APBA2: variants seen among roughly 807,000 people sequenced by gnomAD.
APBA2 encodes the protein amyloid beta precursor protein binding family A member 2.
APBA2 carries 30 observed loss-of-function variants against 75.0 expected under a neutral mutation model. That is an observed-to-expected ratio of 0.40 (90% confidence interval 0.30 to 0.54). The LOEUF (loss-of-function observed/expected upper bound fraction) is 0.54, where lower values mean the gene tolerates loss of function less well. Among genes scored for constraint, APBA2 ranks in the 20% least tolerant of loss-of-function variants. The probability of loss-of-function intolerance (pLI) is 0.49; values close to 1 mark genes in which losing one functional copy is unlikely to be tolerated. For missense variants in APBA2, 801 were observed against 1,016.1 expected, an observed-to-expected ratio of 0.79 and a Z score of 2.88; for synonymous variants, 444 against 409.6, an observed-to-expected ratio of 1.08 and a Z score of -1.01.
intron 3 of APBA2, among the ~76,000 whole-genome samples, chr15:29,016,840 T>G (rs1033744780): frequency 6.6e-6 from 1 of 152,196 alleles, no homozygotes; most frequent in Non-Finnish European, 1.5e-5. Flanking sequence ...TGTCTCCGTT[T>G]CTCTCTCCCT....
At chr15:29,075,959 C>T (rs1385585055) in intron 5 of APBA2, 96 bp from the exon 6 acceptor site, 1 of 1,143,246 alleles carries the variant, frequency 8.7e-7, no homozygotes, top group Admixed American at 1.7e-5. Flanking sequence ...TTGCTTTTCT[C>T]ATTATGGCTC....
chr15:28,976,184 G>A (rs2037326766), intron 2 of APBA2, among the ~76,000 whole-genome samples: 1 of 152,198 alleles, frequency 6.6e-6, no homozygotes, highest in African/African-American at 2.4e-5. Context: ...CCTTTGTTGA[G>A]TTTGTGTTTT....
intron 3 of APBA2, among the ~76,000 whole-genome samples, chr15:29,028,019 T>A (rs1434343864): frequency 6.6e-6 from 1 of 151,968 alleles, no homozygotes; most frequent in African/African-American, 2.4e-5. Flanking sequence ...AGTTTTGGGG[T>A]ACATGTGCAG....
chr15:29,033,251 T>C (rs2040573692), intron 3 of APBA2, among the ~76,000 whole-genome samples: 1 of 152,200 alleles, frequency 6.6e-6, no homozygotes, highest in Non-Finnish European at 1.5e-5. Context: ...CTCTCCTCTT[T>C]GATGTCCTTT....
At chr15:28,998,491 T>G (rs979346648) in intron 3 of APBA2, among the ~76,000 whole-genome samples, 5 of 152,138 alleles carry the variant, frequency 3.3e-5, no homozygotes, top group African/African-American at 1.2e-4. Context: ...CAAAGTGTTC[T>G]TTAAAACCTA....
At chr15:28,958,243 G>T (rs1274263594) in intron 2 of APBA2, among the ~76,000 whole-genome samples, 1 of 152,228 alleles carries the variant, frequency 6.6e-6, no homozygotes, top group Non-Finnish European at 1.5e-5. Context: ...AGAAGCACAT[G>T]CCTAGGAGGA....
chr15:28,965,512 C>G (rs1236350187), intron 2 of APBA2, among the ~76,000 whole-genome samples: 1 of 152,160 alleles, frequency 6.6e-6, no homozygotes, highest in Admixed American at 6.5e-5. Flanking sequence ...CTACAAAATA[C>G]CTTACAAAGT....
At chr15:28,962,100 GGGCGT>G (rs1479961729) in intron 2 of APBA2, among the ~76,000 whole-genome samples, 3 of 151,970 alleles carry the variant, frequency 2.0e-5, no homozygotes, top group African/African-American at 7.3e-5. Context: ...TGAACTCCTG[GGGCGT>G]GAACGTGTGT....
intron 2 of APBA2, among the ~76,000 whole-genome samples, chr15:28,936,108 G>A (rs1247525007): frequency 1.3e-5 from 2 of 152,194 alleles, no homozygotes; most frequent in Non-Finnish European, 2.9e-5. Context: ...TAGACGCAGA[G>A]TTTGGCTTGC....
chr15:29,073,108 G>A (rs190012627), intron 4 of APBA2, among the ~76,000 whole-genome samples: 4 of 152,270 alleles, frequency 2.6e-5, no homozygotes, highest in Non-Finnish European at 5.9e-5. Context: ...CTGGGAGGGT[G>A]GGCCCAGATC....
chr15:29,059,562 GTTTTATGT>G (rs1451822121), intron 4 of APBA2, among the ~76,000 whole-genome samples: 11 of 152,068 alleles, frequency 7.2e-5, no homozygotes, highest in Non-Finnish European at 1.5e-4. Flanking sequence ...CTCAGCTAGT[GTTTTATGT>G]TAAAGAAATA....
chr15:28,936,895 C>T (rs927257166), intron 2 of APBA2, among the ~76,000 whole-genome samples: 1 of 152,192 alleles, frequency 6.6e-6, no homozygotes, highest in Non-Finnish European at 1.5e-5. Context: ...GATCTACCCT[C>T]ATGCAGATGG....
In APBA2 at chr15:29,072,918, T is replaced by C. The variant is rs78878498; in HGVS notation, c.952-2003T>C. Among the ~76,000 whole-genome samples the C allele has an allele frequency of 7.1e-3, 1,087 of 152,194 alleles. 12 individuals carry two copies. Among genetic ancestry groups the C allele is most frequent in the African/African-American group, 0.025 (1,023 of 41,518 alleles). ...GAAGGGCAGCCCCATGTAGCTTTCT[T>C]GAGATGTAGCAGCAGTGCTCTCCCT... On this transcript the variant is annotated intron_variant, in intron 4 of 14. Coordinates refer to ENST00000683413, the MANE Select transcript of APBA2 (RefSeq NM_001353788.2).
At chr15:28,975,204 T>C (rs182054637) in intron 2 of APBA2, among the ~76,000 whole-genome samples, 2 of 151,424 alleles carry the variant, frequency 1.3e-5, no homozygotes, top group African/African-American at 2.4e-5. Context: ...ACAGAAAGTT[T>C]TAAAAAAAAA....
At position 29,075,231 on chromosome 15, in the gene APBA2, C is replaced by T. The variant is rs115761588; in HGVS notation, c.1032+230C>T. On this transcript the variant is annotated intron_variant, in intron 5 of 14. Coordinates refer to ENST00000683413, the MANE Select transcript of APBA2 (RefSeq NM_001353788.2). ...GGCCTCCCTGATGTTAGGACCATGC[C>T]ATGGAGTGCTCTTGTGTTGCAGATG... 4.2e-3 allele frequency among the ~76,000 whole-genome samples: 633 copies of T among 152,176 alleles called. 6 individuals are homozygous for T. Among genetic ancestry groups the T allele is most frequent in the African/African-American group, 0.015 (617 of 41,492 alleles).
chr15:29,101,948 G>C, intron 10 of APBA2, 164 bp downstream of exon 10: 1 of 728,796 alleles, frequency 1.4e-6, no homozygotes, highest in East Asian at 2.7e-5. Context: ...GGTTTGCAAA[G>C]ATAGTGAATA....
intron 12 of APBA2, among the ~76,000 whole-genome samples, chr15:29,107,990 G>A (rs571533459): frequency 1.4e-4 from 21 of 152,274 alleles, no homozygotes; most frequent in Admixed American, 2.6e-4. Flanking sequence ...ACCTGGGCTC[G>A]CTCCTGCAGT....
At chr15:29,059,223 G>T (rs1030827753) in intron 4 of APBA2, among the ~76,000 whole-genome samples, 2 of 152,106 alleles carry the variant, frequency 1.3e-5, no homozygotes, top group African/African-American at 4.8e-5. Flanking sequence ...ATATGTGTGT[G>T]TGTGTGTGTG....
At position 29,061,877 on chromosome 15, in the gene APBA2, G is replaced by A. The variant is rs117320038; in HGVS notation, c.951+7042G>A. On this transcript the variant is annotated intron_variant, in intron 4 of 14. Transcript: ENST00000683413. Reference sequence around the variant, plus strand: ...TATCTGCTTTACAGAAGAGGACTGAGACAAGAGTGGCATGGGGTTGTTGGC... The same window carrying A: ...TATCTGCTTTACAGAAGAGGACTGAAACAAGAGTGGCATGGGGTTGTTGGC... 3.4e-3 allele frequency among the ~76,000 whole-genome samples: 519 copies of A among 152,350 alleles called. 2 individuals carry two copies. The highest frequency in any genetic ancestry group is 5.8e-3 in the Non-Finnish European group (393 of 68,032).
Sources: allele counts gnomAD v4.1 joint callset (sites outside exome capture counted in the v4.1 genomes callset), GRCh38; gene constraint gnomAD v4.1.1; transcripts MANE v1.5; gene names NCBI Gene and HGNC (gene_info 2026-07-23, HGNC 2026-07-21).